Variants in IGF1R observed in about 807,000 individuals in gnomAD.
IGF1R encodes the protein insulin-like growth factor 1 receptor.
A neutral mutation model predicts 144.6 loss-of-function variants in IGF1R; 44 were observed. The observed-to-expected ratio is 0.30, with a 90% CI of 0.24 to 0.39. IGF1R has a LOEUF of 0.39. Ranked by LOEUF, IGF1R falls within the 10% of genes least tolerant of loss-of-function variation. IGF1R has a pLI of 1.00. For synonymous variants in IGF1R, 795 were observed against 722.8 expected (o/e 1.10, Z -1.60); for missense variants, 1,355 against 1,833.7 (o/e 0.74, Z 4.77).
In IGF1R at chr15:98,707,604, T is replaced by C. The variant is rs1339640950; in HGVS notation, c.137T>C (p.Leu46Pro). ...GACATCCGCAACGACTATCAGCAGC[T>C]GAAGCGCCTGGAGAACTGCACGGTG... Reference protein sequence around the residue: ...GIDIRNDYQQLKRLENCTVIE... With the variant: ...GIDIRNDYQQPKRLENCTVIE... The change falls in exon 2 of 21, where the codon CTG becomes CCG. Residue 46 changes from leucine to proline, a missense_variant. Coordinates refer to ENST00000650285, the MANE Select transcript of IGF1R (RefSeq NM_000875.5). This position sits in a 1 kb window ranked among gnomAD's most constrained non-coding sequence, Gnocchi z 6.7. 1 of 1,614,214 alleles carries C rather than the reference T, an allele frequency of 6.2e-7. No individual in the cohort carries two copies. Among genetic ancestry groups the C allele is most frequent in the Non-Finnish European group, 8.5e-7 (1 of 1,180,030 alleles).
At chr15:98,719,994 A>C (rs1172896616) in intron 2 of IGF1R, among the ~76,000 whole-genome samples, 1 of 152,226 alleles carries the variant, frequency 6.6e-6, no homozygotes, top group Non-Finnish European at 1.5e-5. Flanking sequence ...TCAGCAAAAA[A>C]TAAAAGGTGA....
At position 98,891,588 on chromosome 15, in the gene IGF1R, G is replaced by A. The variant is rs774794966; in HGVS notation, c.904G>A (p.Glu302Lys). The change falls in exon 3 of 21, where the codon GAG becomes AAG. Residue 302 changes from glutamate (E) to lysine (K), a missense_variant. By Grantham distance (56) the Glu-to-Lys change is moderately conservative (BLOSUM62 1). Around this residue, in one of 7 missense-constraint regions of IGF1R, gnomAD observed 880 missense variants for 1,202.7 expected, o/e 0.73. Transcript: ENST00000650285. The surrounding 1 kb of genome is among the most constrained non-coding windows in gnomAD (Gnocchi z 4.7). ...CGAGGGGTTTGTGATCCACGACGGCGAGTGCATGCAGGAGTGCCCCTCGGG... is the reference window on the plus strand; with the variant it reads ...CGAGGGGTTTGTGATCCACGACGGCAAGTGCATGCAGGAGTGCCCCTCGGG... ...DSEGFVIHDG[E>K]CMQECPSGFI... The A allele has an allele frequency of 6.2e-6, 10 of 1,604,826 alleles. No individual in the cohort carries two copies. In the East Asian group the frequency reaches 6.7e-5, roughly 11 times the overall value.
At chr15:98,810,790 C>T (rs561089479) in intron 2 of IGF1R, among the ~76,000 whole-genome samples, 4 of 151,594 alleles carry the variant, frequency 2.6e-5, no homozygotes, top group East Asian at 2.0e-4. Context: ...CCTCGTGATC[C>T]GCCCGCCTCG....
chr15:98,781,131 A>G (rs970259894), intron 2 of IGF1R, among the ~76,000 whole-genome samples: 2 of 152,176 alleles, frequency 1.3e-5, no homozygotes, highest in African/African-American at 4.8e-5. Context: ...CAAAATAAAG[A>G]AAAAGAGATT....
At chr15:98,712,253 T>C (rs1407628464) in intron 2 of IGF1R, among the ~76,000 whole-genome samples, 1 of 152,198 alleles carries the variant, frequency 6.6e-6, no homozygotes, top group Non-Finnish European at 1.5e-5. Flanking sequence ...CTGTCATTCA[T>C]ATCCATCCCA....
intron 2 of IGF1R, among the ~76,000 whole-genome samples, chr15:98,726,013 C>T (rs573504332): frequency 7.9e-5 from 12 of 152,236 alleles, no homozygotes; most frequent in African/African-American, 2.4e-4. Flanking sequence ...GAGATTTGGG[C>T]GGGGACACAG....
At chr15:98,720,378 A>G (rs1208294246) in intron 2 of IGF1R, among the ~76,000 whole-genome samples, 1 of 152,196 alleles carries the variant, frequency 6.6e-6, no homozygotes, top group Non-Finnish European at 1.5e-5. Context: ...TTTGAAGACA[A>G]GGTTGTTGGG....
chr15:98,773,963 G>T (rs866797952), intron 2 of IGF1R, among the ~76,000 whole-genome samples: 1 of 152,010 alleles, frequency 6.6e-6, no homozygotes, highest in African/African-American at 2.4e-5. Context: ...CCCTATTTTT[G>T]TATTTTTTCC....
intron 2 of IGF1R, among the ~76,000 whole-genome samples, chr15:98,825,965 C>A (rs1461216186): frequency 2.0e-5 from 3 of 152,176 alleles, no homozygotes; most frequent in Non-Finnish European, 4.4e-5. Flanking sequence ...GCCATGTGGC[C>A]TTGGTGACCT....
intron 2 of IGF1R, among the ~76,000 whole-genome samples, chr15:98,741,237 T>G (rs12911662): frequency 0.52 from 52,904 of 101,886 alleles, 12,117 homozygotes; most frequent in Non-Finnish European, 0.57. Context: ...TTCCTGAGCT[T>G]TTTTTTTTTT....
At chr15:98,904,139 G>A (rs576971744) in intron 5 of IGF1R, among the ~76,000 whole-genome samples, 7 of 147,008 alleles carry the variant, frequency 4.8e-5, no homozygotes, top group African/African-American at 1.8e-4. Context: ...TGCAAGCTCC[G>A]CCTCCGGGTT....
At chr15:98,808,732 TG>T (rs2056521128) in intron 2 of IGF1R, among the ~76,000 whole-genome samples, 1 of 150,962 alleles carries the variant, frequency 6.6e-6, no homozygotes, top group African/African-American at 2.4e-5. Context: ...TACACTGGAG[TG>T]CAGTGGTGCG....
intron 5 of IGF1R, among the ~76,000 whole-genome samples, chr15:98,902,246 G>A (rs933906137): frequency 6.6e-6 from 1 of 152,050 alleles, no homozygotes; most frequent in Non-Finnish European, 1.5e-5. Context: ...AGGCACTTCA[G>A]CAGGCAGCAA....
At chr15:98,694,026 A>G (rs1357038985) in intron 1 of IGF1R, among the ~76,000 whole-genome samples, 1 of 152,230 alleles carries the variant, frequency 6.6e-6, no homozygotes, top group Non-Finnish European at 1.5e-5. Context: ...GCTGCTTGGC[A>G]GCACCTGCCT....
rs540579334 is a variant in IGF1R, at chr15:98,959,029, C to T, written c.*1587C>T. 8.6e-6 allele frequency: 2 copies of T among 233,352 alleles called. No homozygotes were observed. The highest frequency in any genetic ancestry group is 5.6e-5 in the Admixed American group (1 of 17,802). 14.5% of individuals were successfully genotyped at this position (233,352 alleles called of 1,614,324 possible). On this transcript the variant is annotated 3_prime_UTR_variant, in exon 21 of 21. Transcript: ENST00000650285. ...AGAGGGCCGCGCTCCTCTCCCCAGC[C>T]TGCCCTCACAGCATTGGAGCCTGTT... is the stretch of plus-strand genomic sequence containing the variant.
chr15:98,667,993 T>A (rs1305729497), intron 1 of IGF1R, among the ~76,000 whole-genome samples: 2 of 152,130 alleles, frequency 1.3e-5, no homozygotes, highest in African/African-American at 4.8e-5. Context: ...CAGGTTACTA[T>A]AGACTGAGGG....
chr15:98,953,414 CAAA>C (rs1412357551), intron 20 of IGF1R, among the ~76,000 whole-genome samples: 3 of 152,148 alleles, frequency 2.0e-5, no homozygotes, highest in Non-Finnish European at 4.4e-5. Context: ...AGATTGATGA[CAAA>C]GCCCGTCCTC....
chr15:98,888,130 C>T (rs1176462125), intron 2 of IGF1R, among the ~76,000 whole-genome samples: 1 of 152,220 alleles, frequency 6.6e-6, no homozygotes, highest in Admixed American at 6.5e-5. Context: ...CACCCAGAAG[C>T]CCAGGAAACA....
chr15:98,938,481 T>C (rs1036541487), intron 17 of IGF1R, among the ~76,000 whole-genome samples: 1 of 152,244 alleles, frequency 6.6e-6, no homozygotes, highest in Admixed American at 6.5e-5. Flanking sequence ...GGTAATTCTT[T>C]TTAATTCCAA....
Sources: gnomAD v4.1 joint callset for allele counts (sites outside exome capture counted in the v4.1 genomes callset) on GRCh38, gnomAD v4.1.1 for gene constraint, gnomAD v4.1.1 regional missense constraint, Gnocchi (gnomAD v3.1) non-coding constraint, MANE v1.5 for transcripts, NCBI Gene and HGNC (gene_info 2026-07-23, HGNC 2026-07-21) for gene names.